Variants in IL1RAPL1 observed in about 807,000 individuals in gnomAD.
The protein encoded by IL1RAPL1 is interleukin 1 receptor accessory protein like 1.
A neutral mutation model predicts 48.4 loss-of-function variants in IL1RAPL1; 3 were observed. The ratio of observed to expected loss-of-function variants is 0.06; its 90% CI spans 0.03 to 0.16. IL1RAPL1 has a LOEUF of 0.16. Ranked by LOEUF, IL1RAPL1 falls within the 10% of genes least tolerant of loss-of-function variation. The probability of loss-of-function intolerance (pLI) is 1.00; values close to 1 mark genes in which losing one functional copy is unlikely to be tolerated. For missense variants in IL1RAPL1, 349 were observed against 530.6 expected (o/e 0.66, Z 3.36); for synonymous variants, 185 against 187.7 (o/e 0.99, Z 0.12).
intron 6 of IL1RAPL1, among the ~76,000 whole-genome samples, chrX:29,766,808 A>G (rs1928927597): frequency 9.5e-6 from 1 of 104,872 alleles, no homozygotes; most frequent in Admixed American, 1.1e-4. Flanking sequence ...TGTGTTATAT[A>G]TAATTTTTAT....
intron 1 of IL1RAPL1, among the ~76,000 whole-genome samples, chrX:28,684,466 T>C (rs1935091853): frequency 8.9e-6 from 1 of 112,226 alleles, no homozygotes; most frequent in African/African-American, 3.2e-5. Context: ...TTTAACATCC[T>C]CGAAGCCTCT....
At chrX:28,604,705 G>A (rs1934064514) in intron 1 of IL1RAPL1, among the ~76,000 whole-genome samples, 1 of 85,713 alleles carries the variant, frequency 1.2e-5, no homozygotes, top group African/African-American at 4.8e-5. Flanking sequence ...CCAGGTTGGC[G>A]ACAGAGCGAG....
intron 3 of IL1RAPL1, among the ~76,000 whole-genome samples, chrX:29,377,981 C>G (rs1933644973): frequency 9.1e-6 from 1 of 109,485 alleles, no homozygotes; most frequent in South Asian, 3.9e-4. Flanking sequence ...CTCTTCTTCT[C>G]TCTCAGGAAT....
intron 5 of IL1RAPL1, among the ~76,000 whole-genome samples, chrX:29,561,904 G>A (rs1234877288): frequency 1.8e-5 from 2 of 111,502 alleles, no homozygotes; most frequent in Non-Finnish European, 1.9e-5. Flanking sequence ...AGAACAAGGT[G>A]TTCACCTTCT....
chrX:29,299,913 T>C (rs969093719), intron 3 of IL1RAPL1, among the ~76,000 whole-genome samples: 1 of 111,932 alleles, frequency 8.9e-6, no homozygotes, highest in Admixed American at 9.5e-5. Context: ...ATTAATAGCC[T>C]ACTTCAGCAG....
intron 3 of IL1RAPL1, among the ~76,000 whole-genome samples, chrX:29,365,564 G>A (rs1933441251): frequency 9.3e-6 from 1 of 107,957 alleles, no homozygotes; most frequent in Non-Finnish European, 1.9e-5. Flanking sequence ...TGGGCATGGT[G>A]ATACATGCTA....
At chrX:29,243,324 C>T (rs184728598) in intron 2 of IL1RAPL1, among the ~76,000 whole-genome samples, 94 of 112,228 alleles carry the variant, frequency 8.4e-4, no homozygotes, top group African/African-American at 2.5e-3. Context: ...CATCTGGCTC[C>T]GCAGCCACCC....
intron 6 of IL1RAPL1, among the ~76,000 whole-genome samples, chrX:29,841,721 G>A (rs759060379): frequency 1.3e-4 from 14 of 111,619 alleles, no homozygotes; most frequent in Non-Finnish European, 2.1e-4. Flanking sequence ...ACAATCGAGT[G>A]AGGGATTCTT....
At chrX:29,389,274 T>C (rs1933824242) in intron 3 of IL1RAPL1, among the ~76,000 whole-genome samples, 1 of 101,528 alleles carries the variant, frequency 9.8e-6, no homozygotes, top group African/African-American at 3.8e-5. Context: ...GAGAATCTCC[T>C]GAACCTGGGA....
chrX:29,334,261 C>T (rs1932940433), intron 3 of IL1RAPL1, among the ~76,000 whole-genome samples: 1 of 66,031 alleles, frequency 1.5e-5, no homozygotes, highest in East Asian at 4.3e-4. Flanking sequence ...CCTCACTTCC[C>T]AGTAGGGGAG....
intron 2 of IL1RAPL1, among the ~76,000 whole-genome samples, chrX:29,084,881 C>T (rs1286177431): frequency 9.0e-6 from 1 of 111,651 alleles, no homozygotes; most frequent in East Asian, 2.8e-4. Context: ...TTAGTAGAGA[C>T]GGGGTTTCGC....
chrX:29,381,706 C>G (rs1289949571), intron 3 of IL1RAPL1, among the ~76,000 whole-genome samples: 1 of 101,864 alleles, frequency 9.8e-6, no homozygotes, highest in African/African-American at 3.6e-5. Flanking sequence ...GTCTCAGCTA[C>G]TCAGGAGGCT....
chrX:29,237,709 A>T lies in IL1RAPL1; in HGVS notation c.83-45229A>T, dbSNP rs539209138. On this transcript the variant is annotated intron_variant, in intron 2 of 10. Transcript: ENST00000378993. ...ATGGTTGTTAGTAATTGTGAAACAA[A>T]TGTGTCTGACTGCCACTGGGCAATG... 2.7e-5 allele frequency among the ~76,000 whole-genome samples: 3 copies of T among 112,105 alleles called. No homozygotes were observed. The South Asian group carries it at 1.1e-3, about 42-fold the overall frequency.
At chrX:29,919,461 T>C (rs1601883635) in intron 7 of IL1RAPL1, among the ~76,000 whole-genome samples, 1 of 112,481 alleles carries the variant, frequency 8.9e-6, no homozygotes, top group East Asian at 2.8e-4. Context: ...TAGTTTCACG[T>C]TCCTTCAAAA....
chrX:28,794,463 A>G (rs1043597087), intron 2 of IL1RAPL1, among the ~76,000 whole-genome samples: 2 of 111,934 alleles, frequency 1.8e-5, no homozygotes, highest in Non-Finnish European at 3.8e-5. Flanking sequence ...CAGTATAGGA[A>G]AAAAGTATTC....
intron 1 of IL1RAPL1, among the ~76,000 whole-genome samples, chrX:28,730,182 T>C (rs1001446517): frequency 9.0e-6 from 1 of 111,662 alleles, no homozygotes; most frequent in Non-Finnish European, 1.9e-5. Context: ...TGAAGAACTT[T>C]AATATTGAAG....
intron 5 of IL1RAPL1, among the ~76,000 whole-genome samples, chrX:29,613,652 C>T (rs142268229): frequency 5.1e-4 from 54 of 105,905 alleles, no homozygotes; most frequent in African/African-American, 1.8e-3. Flanking sequence ...AAAGGGATAA[C>T]GTGCTTGGGT....
intron 5 of IL1RAPL1, among the ~76,000 whole-genome samples, chrX:29,446,384 C>A (rs991589528): frequency 9.0e-6 from 1 of 111,490 alleles, no homozygotes; most frequent in Non-Finnish European, 1.9e-5. Context: ...CTGTATATTG[C>A]GTCTTTTAAA....
At chrX:29,550,431 G>A (rs1382228730) in intron 5 of IL1RAPL1, among the ~76,000 whole-genome samples, 1 of 111,063 alleles carries the variant, frequency 9.0e-6, no homozygotes, top group Non-Finnish European at 1.9e-5. Context: ...CGCCCGCCTC[G>A]GCCTCCCAAA....
Sources: allele counts gnomAD v4.1 joint callset (sites outside exome capture counted in the v4.1 genomes callset), GRCh38; gene constraint gnomAD v4.1.1; transcripts MANE v1.5; gene names NCBI Gene and HGNC (gene_info 2026-07-23, HGNC 2026-07-21).